PDE4D: variants seen among roughly 807,000 people sequenced by gnomAD.
The protein encoded by PDE4D is phosphodiesterase 4D.
Under a neutral mutation model 87.4 loss-of-function variants are expected in PDE4D, and 24 were observed. The observed-to-expected ratio is 0.27, with a 90% CI of 0.20 to 0.39. The LOEUF (loss-of-function observed/expected upper bound fraction) is 0.39. Among genes scored for constraint, PDE4D ranks in the 10% least tolerant of loss-of-function variants. The probability of loss-of-function intolerance (pLI) is 1.00; values close to 1 mark genes in which losing one functional copy is unlikely to be tolerated. For synonymous variants in PDE4D, 384 were observed against 383.2 expected (o/e 1.00, Z -0.02); for missense variants, 714 against 1,041.0 (o/e 0.69, Z 4.32).
intron 3 of PDE4D, among the ~76,000 whole-genome samples, chr5:59,934,737 G>A (rs1487967081): frequency 6.6e-6 from 1 of 152,142 alleles, no homozygotes; most frequent in East Asian, 1.9e-4. Flanking sequence ...ATTTCGTGTA[G>A]GCCTTAAAAG....
intron 1 of PDE4D, among the ~76,000 whole-genome samples, chr5:59,422,989 T>A (rs898251198): frequency 3.9e-5 from 6 of 152,212 alleles, no homozygotes; most frequent in African/African-American, 1.4e-4. Flanking sequence ...TTAAATTGCA[T>A]TGCCAATGAA....
intron 1 of PDE4D, among the ~76,000 whole-genome samples, chr5:60,320,103 G>T (rs1464568241): frequency 1.3e-5 from 2 of 152,210 alleles, no homozygotes; most frequent in Admixed American, 1.3e-4. Flanking sequence ...AGGCAGGCAG[G>T]CCTCCTTGAG....
At chr5:59,550,089 G>T (rs294482) in intron 1 of PDE4D, among the ~76,000 whole-genome samples, 122,921 of 151,698 alleles carry the variant, frequency 0.81, 49,901 homozygotes, top group South Asian at 0.91. Context: ...TGTGATGTCC[G>T]TCTACATGTT....
chr5:60,362,129 T>A (rs1302118569), intron 1 of PDE4D, among the ~76,000 whole-genome samples: 1 of 152,216 alleles, frequency 6.6e-6, no homozygotes, highest in Non-Finnish European at 1.5e-5. Context: ...CCTACAGAAA[T>A]GCAATACACA....
At chr5:60,312,645 A>G (rs1300111526) in intron 1 of PDE4D, among the ~76,000 whole-genome samples, 1 of 152,184 alleles carries the variant, frequency 6.6e-6, no homozygotes, top group Non-Finnish European at 1.5e-5. Flanking sequence ...CATGGGGGAA[A>G]CCACCTCCAT....
intron 1 of PDE4D, among the ~76,000 whole-genome samples, chr5:60,187,295 A>T (rs76073076): frequency 0.029 from 4,380 of 152,270 alleles, 203 homozygotes; most frequent in African/African-American, 0.1. Flanking sequence ...CACCTTTACA[A>T]ATTAGCATCC....
chr5:59,394,496 A>G (rs978246074), intron 1 of PDE4D, among the ~76,000 whole-genome samples: 9 of 152,216 alleles, frequency 5.9e-5, no homozygotes, highest in African/African-American at 2.2e-4. Context: ...AATGCATGCA[A>G]TGACATTAGT....
chr5:60,357,076 A>G (rs1236139627), intron 1 of PDE4D, among the ~76,000 whole-genome samples: 1 of 152,178 alleles, frequency 6.6e-6, no homozygotes, highest in African/African-American at 2.4e-5. Context: ...AGGAAAGAAA[A>G]GCATTTCAAT....
intron 2 of PDE4D, among the ~76,000 whole-genome samples, chr5:60,113,784 G>A (rs1777896019): frequency 1.3e-5 from 2 of 151,964 alleles, no homozygotes; most frequent in Non-Finnish European, 2.9e-5. Context: ...TCTTTTACAT[G>A]AGCATTTAAA....
chr5:59,764,435 C>T (rs1028793141), intron 1 of PDE4D, among the ~76,000 whole-genome samples: 1 of 152,134 alleles, frequency 6.6e-6, no homozygotes, highest in African/African-American at 2.4e-5. Context: ...TGACCAAAGT[C>T]ACACAATTAC....
At chr5:59,134,385 A>G (rs1352617237) in intron 5 of PDE4D, among the ~76,000 whole-genome samples, 2 of 151,940 alleles carry the variant, frequency 1.3e-5, no homozygotes, top group Non-Finnish European at 2.9e-5. Flanking sequence ...AGAACAAACC[A>G]TCATTAATTT....
intron 1 of PDE4D, among the ~76,000 whole-genome samples, chr5:59,717,669 C>A (rs575482550): frequency 1.1e-4 from 16 of 152,278 alleles, no homozygotes; most frequent in African/African-American, 3.8e-4. Context: ...GGCTTCATTA[C>A]GATATTTAAG....
intron 1 of PDE4D, among the ~76,000 whole-genome samples, chr5:59,410,354 C>T (rs1202713073): frequency 6.6e-6 from 1 of 152,136 alleles, no homozygotes; most frequent in East Asian, 1.9e-4. Flanking sequence ...TCAAGTGATT[C>T]TTGTGCCTCA....
chr5:60,417,952 A>G (rs1175134679), intron 1 of PDE4D, among the ~76,000 whole-genome samples: 1 of 152,248 alleles, frequency 6.6e-6, no homozygotes, highest in Non-Finnish European at 1.5e-5. Flanking sequence ...AAATTTCATA[A>G]CAATGAGTTC....
chr5:60,096,103 T>C (rs1001567319), intron 2 of PDE4D, among the ~76,000 whole-genome samples: 8 of 152,150 alleles, frequency 5.3e-5, no homozygotes, highest in African/African-American at 1.9e-4. Context: ...TTTAATTAGA[T>C]CCCATTTGTC....
chr5:59,772,557 G>T (rs550568357), intron 1 of PDE4D, among the ~76,000 whole-genome samples: 1 of 152,270 alleles, frequency 6.6e-6, no homozygotes, highest in South Asian at 2.1e-4. Flanking sequence ...GTGGTAACAA[G>T]GAAGATGAGA....
intron 1 of PDE4D, among the ~76,000 whole-genome samples, chr5:60,335,861 G>A (rs1221193380): frequency 1.3e-5 from 2 of 152,184 alleles, no homozygotes; most frequent in Non-Finnish European, 2.9e-5. Flanking sequence ...GAGAATCTTT[G>A]TCAACACCTA....
intron 1 of PDE4D, among the ~76,000 whole-genome samples, chr5:60,291,631 C>T (rs1186968459): frequency 6.6e-6 from 1 of 151,576 alleles, no homozygotes; most frequent in Non-Finnish European, 1.5e-5. Flanking sequence ...ATTTCAAACT[C>T]ACTAGTAATC....
chr5:60,402,597 C>T (rs987071422), intron 1 of PDE4D, among the ~76,000 whole-genome samples: 4 of 152,176 alleles, frequency 2.6e-5, no homozygotes, highest in African/African-American at 4.8e-5. Flanking sequence ...TGGACAGTCA[C>T]GCTTCAGAAT....
Sources: allele counts gnomAD v4.1 joint callset (sites outside exome capture counted in the v4.1 genomes callset), GRCh38; gene constraint gnomAD v4.1.1; transcripts MANE v1.5; gene names NCBI Gene and HGNC (gene_info 2026-07-23, HGNC 2026-07-21).